Variants in GRIN2A observed in about 807,000 individuals in gnomAD.
GRIN2A encodes glutamate receptor ionotropic, NMDA 2A.
In GRIN2A, 22 loss-of-function variants were observed where a neutral mutation model predicts 113.4. That is an observed-to-expected ratio of 0.19 (90% CI 0.14 to 0.28). The LOEUF is 0.28. Ranked by LOEUF, GRIN2A falls within the 10% of genes least tolerant of loss-of-function variation. The pLI is 1.00. For missense variants in GRIN2A, 1,502 were observed against 1,887.0 expected (o/e 0.80, Z 3.78); for synonymous variants, 827 against 738.4 (o/e 1.12, Z -1.94).
chr16:10,040,524 A>G (rs1486127902), intron 2 of GRIN2A, among the ~76,000 whole-genome samples: 1 of 151,150 alleles, frequency 6.6e-6, no homozygotes, highest in African/African-American at 2.4e-5. Flanking sequence ...ACACACATCC[A>G]CACCACATAA....
chr16:9,912,368 T>G (rs2141554744), intron 3 of GRIN2A, among the ~76,000 whole-genome samples: 1 of 152,208 alleles, frequency 6.6e-6, no homozygotes, highest in South Asian at 2.1e-4. Context: ...CATCATTTAG[T>G]CTCTGCCCTT....
chr16:10,018,485 G>T (rs1488294565), intron 2 of GRIN2A, among the ~76,000 whole-genome samples: 2 of 152,154 alleles, frequency 1.3e-5, no homozygotes, highest in Non-Finnish European at 2.9e-5. Context: ...CGTGCTAAGG[G>T]GGTGTGGCTC....
In GRIN2A at chr16:10,109,030, A is replaced by C. The variant is rs964277898; in HGVS notation, c.414+70968T>G. Among the ~76,000 whole-genome samples, 13 of 150,488 alleles carry C rather than the reference A, an allele frequency of 8.6e-5. No homozygotes were observed. The East Asian group carries it at 1.4e-3, about 16-fold the overall frequency. ...GATTCTCTTTAAAAAAAAAAAAAAA[A>C]AAAAACAAAATTGATAAACCTAGGT... On this transcript the variant is annotated intron_variant, in intron 2 of 12. Coordinates refer to ENST00000330684, the MANE Select transcript of GRIN2A (RefSeq NM_001134407.3).
intron 2 of GRIN2A, among the ~76,000 whole-genome samples, chr16:10,071,289 T>G (rs17570290): frequency 0.092 from 13,971 of 152,234 alleles, 725 homozygotes; most frequent in Non-Finnish European, 0.11. Context: ...TGTAGGAAGC[T>G]TATTGGTTCT....
At chr16:9,935,165 C>T (rs1013846280) in intron 3 of GRIN2A, among the ~76,000 whole-genome samples, 2 of 152,096 alleles carry the variant, frequency 1.3e-5, no homozygotes, top group African/African-American at 2.4e-5. Flanking sequence ...ATTTCAATTG[C>T]CCTAAAATTG....
chr16:9,923,895 G>C (rs2044403189), intron 3 of GRIN2A, among the ~76,000 whole-genome samples: 1 of 152,074 alleles, frequency 6.6e-6, no homozygotes, highest in Non-Finnish European at 1.5e-5. Flanking sequence ...GGGAGGCCAA[G>C]GTGGGTGGAT....
chr16:9,856,373 C>G (rs2042967673), intron 4 of GRIN2A, among the ~76,000 whole-genome samples: 1 of 152,108 alleles, frequency 6.6e-6, no homozygotes, highest in South Asian at 2.1e-4. Context: ...GTAATCCCAG[C>G]ACTTTGGGAG....
At chr16:10,161,596 G>A (rs183247553) in intron 2 of GRIN2A, among the ~76,000 whole-genome samples, 202 of 152,310 alleles carry the variant, frequency 1.3e-3, no homozygotes, top group Non-Finnish European at 2.0e-3. Flanking sequence ...GTGTTTATCA[G>A]ACGCTGTCCC....
In GRIN2A at chr16:9,934,776, G is replaced by A. The variant is rs563417304; in HGVS notation, c.1007+3183C>T. Among the ~76,000 whole-genome samples, 5 of 150,924 alleles carry A rather than the reference G, an allele frequency of 3.3e-5. No homozygotes were observed. In the East Asian group the frequency reaches 7.8e-4, roughly 23 times the overall value. ...GGCCTTTCTCTAGCTCCCTGTCAAG[G>A]GCAGCCTGGCAGGTTTCCACTATTC... On this transcript the variant is annotated intron_variant, in intron 3 of 12. Transcript: ENST00000330684.
intron 2 of GRIN2A, among the ~76,000 whole-genome samples, chr16:10,177,558 T>A (rs1456010539): frequency 1.3e-5 from 2 of 152,190 alleles, no homozygotes; most frequent in African/African-American, 2.4e-5. Flanking sequence ...AAGTCTCTAT[T>A]CTTTATTTCT....
At chr16:9,923,011 A>G (rs578036537) in intron 3 of GRIN2A, among the ~76,000 whole-genome samples, 1 of 152,288 alleles carries the variant, frequency 6.6e-6, no homozygotes, top group Non-Finnish European at 1.5e-5. Flanking sequence ...TGGTTGTGAC[A>G]TTGTTAAAAT....
chr16:10,166,189 C>A (rs1296826347), intron 2 of GRIN2A, among the ~76,000 whole-genome samples: 1 of 152,208 alleles, frequency 6.6e-6, no homozygotes, highest in East Asian at 1.9e-4. Context: ...GCCACTCACT[C>A]TTCCTGGGCA....
intron 2 of GRIN2A, among the ~76,000 whole-genome samples, chr16:9,963,887 A>G (rs1486624464): frequency 6.6e-6 from 1 of 152,204 alleles, no homozygotes; most frequent in Non-Finnish European, 1.5e-5. Flanking sequence ...TATGTGCCAG[A>G]CATAGTGCCA....
chr16:10,124,691 A>G (rs1197199744), intron 2 of GRIN2A, among the ~76,000 whole-genome samples: 1 of 152,144 alleles, frequency 6.6e-6, no homozygotes, highest in African/African-American at 2.4e-5. Flanking sequence ...TTCATTCATG[A>G]TATTTATAAG....
chr16:9,911,387 C>T (rs1045814546), intron 3 of GRIN2A, among the ~76,000 whole-genome samples: 1 of 152,186 alleles, frequency 6.6e-6, no homozygotes, highest in Non-Finnish European at 1.5e-5. Context: ...TGATTACATG[C>T]ACTAGCTCTG....
chr16:10,173,867 A>G (rs2050093007), intron 2 of GRIN2A, among the ~76,000 whole-genome samples: 1 of 152,212 alleles, frequency 6.6e-6, no homozygotes, highest in Non-Finnish European at 1.5e-5. Context: ...GTGAAATAAA[A>G]CGGGGTCAAA....
At chr16:10,002,878 G>A (rs980879814) in intron 2 of GRIN2A, among the ~76,000 whole-genome samples, 2 of 152,208 alleles carry the variant, frequency 1.3e-5, no homozygotes, top group African/African-American at 4.8e-5. Flanking sequence ...GGACTTTGGA[G>A]AAAGGCATTT....
At chr16:9,994,506 C>T (rs538028569) in intron 2 of GRIN2A, among the ~76,000 whole-genome samples, 13 of 152,046 alleles carry the variant, frequency 8.6e-5, no homozygotes, top group Admixed American at 2.0e-4. Flanking sequence ...ATTGACGTCC[C>T]CGAGATGTTA....
At chr16:9,996,423 T>C (rs1029612078) in intron 2 of GRIN2A, among the ~76,000 whole-genome samples, 1 of 152,078 alleles carries the variant, frequency 6.6e-6, no homozygotes, top group African/African-American at 2.4e-5. Context: ...GAAAATTGAG[T>C]TCAGCTAAAT....
Sources: gnomAD v4.1 joint callset for allele counts (sites outside exome capture counted in the v4.1 genomes callset) on GRCh38, gnomAD v4.1.1 for gene constraint, MANE v1.5 for transcripts, NCBI Gene and HGNC (gene_info 2026-07-23, HGNC 2026-07-21) for gene names.